The following MYH11 variants were observed in gnomAD, a reference collection of about 807,000 sequenced individuals.
MYH11 encodes the protein myosin-11.
A neutral mutation model predicts 246.6 loss-of-function variants in MYH11; 80 were observed. The observed-to-expected ratio is 0.32, with a 90% confidence interval of 0.27 to 0.39. The LOEUF (loss-of-function observed/expected upper bound fraction) is 0.39, where lower values mean the gene tolerates loss of function less well. MYH11 is among the 10% of genes least tolerant of loss of function. The pLI is 1.00. For synonymous variants in MYH11, 1,071 were observed against 1,015.5 expected, an observed-to-expected ratio of 1.05 and a Z score of -1.04; for missense variants, 2,158 against 2,546.8, an observed-to-expected ratio of 0.85 and a Z score of 3.29.
Position 15,759,624 on chromosome 16 carries a change from C to T in MYH11, c.1353G>A (p.Gly451=). ...TATCCAGGATCCCCAGGAAGGAAGC[C>T]CCTTGCCGATGGGTCTTGTCCAGGG... ...NKALDKTHRQ[G]ASFLGILDIA... The change falls in exon 12 of 41, where the codon GGG becomes GGA. Residue 451 remains glycine (G), a synonymous_variant. Coordinates refer to ENST00000300036, the MANE Select transcript of MYH11 (RefSeq NM_002474.3). 1 of 1,614,178 alleles carries T rather than the reference C, an allele frequency of 6.2e-7. No homozygotes were observed. The highest frequency in any genetic ancestry group is 1.1e-5 in the South Asian group (1 of 91,076).
At chr16:15,763,961 T>A in intron 9 of MYH11, 70 bp from the exon 10 acceptor site, 1 of 1,258,082 alleles carries the variant, frequency 7.9e-7, no homozygotes, top group Non-Finnish European at 1.2e-6. Context: ...TTTTGGAGCC[T>A]AAAGCCACTG....
rs2272553 is a variant in MYH11, at chr16:15,823,155, G to T, written c.502+100C>A. ...CAGCCACAGTAACTCCTGGTCCCTCGCAGTGCCTGCCAAACTCCACATTCC... is the reference window on the plus strand; with the variant it reads ...CAGCCACAGTAACTCCTGGTCCCTCTCAGTGCCTGCCAAACTCCACATTCC... On this transcript the variant is annotated intron_variant, in intron 3 of 40. Coordinates refer to ENST00000300036, the MANE Select transcript of MYH11 (RefSeq NM_002474.3). 86 of 1,525,734 alleles carry T rather than the reference G, an allele frequency of 5.6e-5. 1 individual carries two copies. Among genetic ancestry groups the T allele is most frequent in the Non-Finnish European group, 7.2e-5 (80 of 1,109,458 alleles). 94.5% of individuals were successfully genotyped at this position (1,525,734 alleles called of 1,614,324 possible).
At position 15,724,703 on chromosome 16, in the gene MYH11, C is replaced by T. The variant is rs764136209; in HGVS notation, c.4060G>A (p.Glu1354Lys). Residue 1354 changes from glutamate to lysine, a missense_variant, in exon 30 of 41, where the codon GAG becomes AAG. Around this residue, in one of 11 missense-constraint regions of MYH11, gnomAD observed 1,013 missense variants for 993.5 expected, o/e 1.02. Coordinates refer to ENST00000300036, the MANE Select transcript of MYH11 (RefSeq NM_002474.3). ...AGGTTCTGCTTGGCCTCCATCTCCT[C>T]GTCCAGCTGGTCTTGCAGGCTGTTC... ...ERNSLQDQLD[E>K]EMEAKQNLER... 7.4e-6 allele frequency: 12 copies of T among 1,614,216 alleles called. No individual in the cohort carries two copies. Among genetic ancestry groups the T allele is most frequent in the African/African-American group, 1.3e-5 (1 of 75,052 alleles).
intron 2 of MYH11, among the ~76,000 whole-genome samples, chr16:15,834,430 G>C (rs918985551): frequency 4.0e-5 from 6 of 151,810 alleles, no homozygotes; most frequent in Non-Finnish European, 8.8e-5. Flanking sequence ...GGAGGCTGAA[G>C]CAGGAGAATC....
intron 2 of MYH11, among the ~76,000 whole-genome samples, chr16:15,828,650 A>G (rs1014228528): frequency 6.6e-6 from 1 of 150,636 alleles, no homozygotes; most frequent in Non-Finnish European, 1.5e-5. Context: ...AAAATTAGCC[A>G]GGCATGATGG....
intron 19 of MYH11, among the ~76,000 whole-genome samples, chr16:15,747,357 G>C (rs548995139): frequency 6.6e-6 from 1 of 152,240 alleles, no homozygotes; most frequent in East Asian, 1.9e-4. Context: ...CATCCACGAT[G>C]AGAACCCAGG....
intron 4 of MYH11, among the ~76,000 whole-genome samples, chr16:15,788,883 G>A (rs1003079945): frequency 2.0e-5 from 3 of 151,236 alleles, no homozygotes; most frequent in Non-Finnish European, 4.4e-5. Context: ...AACTGGCCAC[G>A]TTTATAATAG....
At chr16:15,837,296 G>A (rs1360121871) in intron 2 of MYH11, among the ~76,000 whole-genome samples, 3 of 152,188 alleles carry the variant, frequency 2.0e-5, no homozygotes, top group Non-Finnish European at 4.4e-5. Context: ...GAAGGACAGA[G>A]AACGATGCCA....
At chr16:15,813,563 GATT>G (rs1445081543) in intron 3 of MYH11, among the ~76,000 whole-genome samples, 7 of 152,100 alleles carry the variant, frequency 4.6e-5, no homozygotes, top group African/African-American at 1.7e-4. Flanking sequence ...AAAAATCCAT[GATT>G]ATTATTATCA....
intron 9 of MYH11, among the ~76,000 whole-genome samples, chr16:15,765,962 G>A (rs951578982): frequency 1.2e-4 from 19 of 152,208 alleles, no homozygotes; most frequent in African/African-American, 4.6e-4. Flanking sequence ...TCTTGTCACT[G>A]CAGAAATTGG....
intron 6 of MYH11, among the ~76,000 whole-genome samples, chr16:15,782,003 A>G (rs539080776): frequency 6.6e-6 from 1 of 152,266 alleles, no homozygotes; most frequent in East Asian, 1.9e-4. Flanking sequence ...GGTATCGGAT[A>G]TAAGGGTCTA....
At chr16:15,802,133 G>A (rs1013592318) in intron 3 of MYH11, among the ~76,000 whole-genome samples, 1 of 152,252 alleles carries the variant, frequency 6.6e-6, no homozygotes, top group South Asian at 2.1e-4. Flanking sequence ...AAAAGAGTCG[G>A]TATTGTTCTT....
chr16:15,836,419 G>C (rs1206828142), intron 2 of MYH11, among the ~76,000 whole-genome samples: 1 of 152,130 alleles, frequency 6.6e-6, no homozygotes, highest in Non-Finnish European at 1.5e-5. Context: ...TTTATTTAGA[G>C]ATGAAGTTTT....
intron 24 of MYH11, among the ~76,000 whole-genome samples, chr16:15,738,013 CTT>C: frequency 6.6e-6 from 1 of 152,094 alleles, no homozygotes; most frequent in East Asian, 1.9e-4. Context: ...GTCTCCAACT[CTT>C]GACCTCGTGA....
chr16:15,807,107 G>A (rs2043032007), intron 3 of MYH11, among the ~76,000 whole-genome samples: 1 of 152,104 alleles, frequency 6.6e-6, no homozygotes, highest in Non-Finnish European at 1.5e-5. Flanking sequence ...GACTACAGGT[G>A]CATGCCACTA....
intron 3 of MYH11, among the ~76,000 whole-genome samples, chr16:15,804,136 C>A (rs989782391): frequency 6.6e-6 from 1 of 152,174 alleles, no homozygotes; most frequent in African/African-American, 2.4e-5. Context: ...CCCAGTGCAC[C>A]CACCACCACT....
At chr16:15,765,675 C>T (rs974385545) in intron 9 of MYH11, among the ~76,000 whole-genome samples, 1 of 152,134 alleles carries the variant, frequency 6.6e-6, no homozygotes, top group Non-Finnish European at 1.5e-5. Context: ...TATTCTCACG[C>T]CATGGGGTCC....
chr16:15,769,819 G>GT (rs1160695173), intron 9 of MYH11, among the ~76,000 whole-genome samples: 1 of 151,924 alleles, frequency 6.6e-6, no homozygotes, highest in African/African-American at 2.4e-5. Flanking sequence ...GTTTGTTCCA[G>GT]TTTTTTTCTA....
At chr16:15,818,025 A>G (rs1453502919) in intron 3 of MYH11, among the ~76,000 whole-genome samples, 1 of 152,256 alleles carries the variant, frequency 6.6e-6, no homozygotes, top group Non-Finnish European at 1.5e-5. Context: ...TGTGCTGGAG[A>G]TACAATGATG....
Sources: gnomAD v4.1 joint callset for allele counts (sites outside exome capture counted in the v4.1 genomes callset) on GRCh38, gnomAD v4.1.1 for gene constraint, gnomAD v4.1.1 regional missense constraint, MANE v1.5 for transcripts, NCBI Gene and HGNC (gene_info 2026-07-23, HGNC 2026-07-21) for gene names.